Variants in SREBF2 observed in about 807,000 individuals in gnomAD.
The protein encoded by SREBF2 is sterol regulatory element-binding protein 2.
SREBF2 carries 55 observed loss-of-function variants against 113.1 expected under a neutral mutation model. That is an observed-to-expected ratio of 0.49 (90% CI 0.39 to 0.61). SREBF2 has a LOEUF of 0.61. Among genes scored for constraint, SREBF2 ranks in the 20% least tolerant of loss-of-function variants. The probability of loss-of-function intolerance (pLI) is 0.00; values close to 1 mark genes in which losing one functional copy is unlikely to be tolerated. For missense variants in SREBF2, 1,349 were observed against 1,487.4 expected (o/e 0.91, Z 1.53); for synonymous variants, 593 against 605.7 (o/e 0.98, Z 0.31).
Position 41,884,884 on chromosome 22 carries a change from C to T in SREBF2, c.2081C>T (p.Ala694Val), listed in dbSNP as rs867776373. Residue 694 changes from alanine to valine, a missense_variant, in exon 11 of 19, where the codon GCG becomes GTG. Physicochemically the swap from Ala to Val is moderately conservative, Grantham distance 64. This residue lies in a region of SREBF2 where 650 missense variants were observed against 644.1 expected (regional missense o/e 1.01). Coordinates refer to ENST00000361204, the MANE Select transcript of SREBF2 (RefSeq NM_004599.4). ...AGSACSDVHM[A>V]LCAVNLAECA... ...TCCGCCTGTTCCGATGTACACATGG[C>T]GTTGTGTGCCGTGAACCTGGCTGAA... The T allele has an allele frequency of 3.1e-6, 5 of 1,614,218 alleles. No homozygotes were observed. The highest frequency in any genetic ancestry group is 3.4e-6 in the Non-Finnish European group (4 of 1,180,046).
chr22:41,847,412 G>C (rs1295807769), intron 1 of SREBF2, among the ~76,000 whole-genome samples: 1 of 152,224 alleles, frequency 6.6e-6, no homozygotes, highest in Non-Finnish European at 1.5e-5. Context: ...AGAGGGAACA[G>C]TATGATGCCA....
chr22:41,893,406 G>A (rs2077383230), intron 12 of SREBF2, 121 bp downstream of exon 12: 3 of 956,334 alleles, frequency 3.1e-6, no homozygotes, highest in Admixed American at 2.1e-5. Context: ...GAGTCCGTTT[G>A]TTTGTTTGTT....
intron 1 of SREBF2, among the ~76,000 whole-genome samples, chr22:41,837,723 T>C (rs2076791220): frequency 6.6e-6 from 1 of 151,442 alleles, no homozygotes; most frequent in Admixed American, 6.6e-5. Context: ...CCGGGCGTCG[T>C]GGCACATGCC....
intron 3 of SREBF2, among the ~76,000 whole-genome samples, chr22:41,870,117 G>A (rs1407518173): frequency 6.6e-6 from 1 of 152,130 alleles, no homozygotes; most frequent in African/African-American, 2.4e-5. Flanking sequence ...GTCTCCCAAA[G>A]TGCTGGGATT....
chr22:41,901,648 G>A (rs746857466), intron 16 of SREBF2, among the ~76,000 whole-genome samples: 1 of 152,170 alleles, frequency 6.6e-6, no homozygotes, highest in Non-Finnish European at 1.5e-5. Context: ...GCAACAGAGC[G>A]AGACTCCATC....
intron 15 of SREBF2, chr22:41,899,445 A>G: frequency 1.0e-6 from 1 of 996,940 alleles, no homozygotes; most frequent in Non-Finnish European, 1.2e-6. Flanking sequence ...AGAAACTGTA[A>G]AATGCTCCAA....
chr22:41,869,947 C>T, intron 3 of SREBF2, among the ~76,000 whole-genome samples: 1 of 151,914 alleles, frequency 6.6e-6, no homozygotes, highest in Non-Finnish European at 1.5e-5. Context: ...CCTCAGCCTC[C>T]TGGGTTCAAG....
At chr22:41,863,864 T>A (rs2077046249) in intron 1 of SREBF2, among the ~76,000 whole-genome samples, 1 of 152,082 alleles carries the variant, frequency 6.6e-6, no homozygotes, top group Non-Finnish European at 1.5e-5. Flanking sequence ...TATTTACATT[T>A]ATTTATTTAT....
intron 1 of SREBF2, among the ~76,000 whole-genome samples, chr22:41,836,539 T>G (rs966435379): frequency 5.9e-5 from 9 of 152,252 alleles, no homozygotes; most frequent in African/African-American, 2.2e-4. Flanking sequence ...TTCTCACCCC[T>G]GTGTTCCCAT....
chr22:41,851,729 A>G (rs2076932928), intron 1 of SREBF2, among the ~76,000 whole-genome samples: 1 of 151,616 alleles, frequency 6.6e-6, no homozygotes. Context: ...TCCTGACTGC[A>G]GGTGATCCAC....
chr22:41,851,305 C>T (rs932210964), intron 1 of SREBF2, among the ~76,000 whole-genome samples: 4 of 151,790 alleles, frequency 2.6e-5, no homozygotes, highest in Non-Finnish European at 5.9e-5. Context: ...GGCTTTTATT[C>T]AAAGGTTTAA....
chr22:41,851,245 G>A (rs2076927460), intron 1 of SREBF2, among the ~76,000 whole-genome samples: 1 of 152,018 alleles, frequency 6.6e-6, no homozygotes, highest in Non-Finnish European at 1.5e-5. Context: ...AAGTTTATTA[G>A]CTTTGTCACT....
At chr22:41,878,575 G>A in intron 9 of SREBF2, 2 of 909,176 alleles carry the variant, frequency 2.2e-6, no homozygotes. Flanking sequence ...AACTGATTTG[G>A]GGCTTTATTC....
intron 1 of SREBF2, among the ~76,000 whole-genome samples, chr22:41,855,755 CTTTTTTT>C (rs572611963): frequency 7.1e-6 from 1 of 141,158 alleles, no homozygotes; most frequent in Admixed American, 7.1e-5. Context: ...TGTAGTATAA[CTTTTTTT>C]TTTTTTTTTT....
chr22:41,853,922 C>T (rs1321930893), intron 1 of SREBF2, among the ~76,000 whole-genome samples: 1 of 151,520 alleles, frequency 6.6e-6, no homozygotes, highest in African/African-American at 2.4e-5. Flanking sequence ...GTAGTCCCAG[C>T]TACTCGGGAG....
At chr22:41,898,318 A>G (rs958702600) in intron 14 of SREBF2, among the ~76,000 whole-genome samples, 4 of 152,122 alleles carry the variant, frequency 2.6e-5, no homozygotes, top group African/African-American at 9.7e-5. Context: ...GGGTTTCACC[A>G]TGTTGGCCAG....
chr22:41,894,702 G>A, intron 12 of SREBF2, 118 bp from the exon 13 acceptor site: 1 of 870,746 alleles, frequency 1.1e-6, no homozygotes. Context: ...CTTTGGTGGA[G>A]AAGGGGCATC....
chr22:41,897,086 C>A lies in SREBF2; in HGVS notation c.2530C>A (p.Leu844Ile). 2 of 1,613,264 alleles carry A rather than the reference C, an allele frequency of 1.2e-6. No homozygotes were observed. Among genetic ancestry groups the A allele is most frequent in the Non-Finnish European group, 1.7e-6 (2 of 1,179,812 alleles). The change falls in exon 14 of 19, where the codon CTT becomes ATT. Residue 844 changes from leucine (L) to isoleucine (I), a missense_variant. By Grantham distance (5) the Leu-to-Ile change is conservative. Coordinates refer to ENST00000361204, the MANE Select transcript of SREBF2 (RefSeq NM_004599.4). ...CAGTGCTCTGGAGTACTTGAAATTA[C>A]TTCATTCTTTTGTGGACTCTGTGGG... The part of the protein sequence containing the change: ...FSSALEYLKL[L>I]HSFVDSVGVM...
At position 41,904,944 on chromosome 22, in the gene SREBF2, C is replaced by G. The variant is rs17848337; in HGVS notation, c.3175C>G (p.Arg1059Gly). The G allele has an allele frequency of 6.2e-7, 1 of 1,601,430 alleles. No homozygotes were observed. Among genetic ancestry groups the G allele is most frequent in the East Asian group, 2.2e-5 (1 of 44,668 alleles). Residue 1059 changes from arginine to glycine, a missense_variant, in exon 18 of 19, where the codon CGG (arginine) becomes GGG (glycine). Physicochemically the swap from Arg to Gly is moderately radical, Grantham distance 125 (BLOSUM62 -2). Around this residue, in one of 2 missense-constraint regions of SREBF2, gnomAD observed 650 missense variants for 644.1 expected, o/e 1.01. Transcript: ENST00000361204. Reference protein sequence around the residue: ...RTHQLLEHSLRRRTTQSTKHG... With the variant: ...RTHQLLEHSLGRRTTQSTKHG... Reference sequence around the variant, plus strand: ...CCACCAGCTGCTGGAACACAGCCTGCGGCGGCGCACCACGCAGAGCACCAA... The same window carrying G: ...CCACCAGCTGCTGGAACACAGCCTGGGGCGGCGCACCACGCAGAGCACCAA...
Sources: allele counts gnomAD v4.1 joint callset (sites outside exome capture counted in the v4.1 genomes callset), GRCh38; gene constraint gnomAD v4.1.1; regional missense constraint gnomAD v4.1.1; transcripts MANE v1.5; gene names NCBI Gene and HGNC (gene_info 2026-07-23, HGNC 2026-07-21).